The following GRB10 variants were observed in gnomAD, a reference collection of about 807,000 sequenced individuals.
GRB10 encodes the protein growth factor receptor bound protein 10.
A neutral mutation model predicts 80.9 loss-of-function variants in GRB10; 20 were observed. The observed-to-expected ratio is 0.25, with a 90% CI of 0.17 to 0.36. The LOEUF is 0.36. Among genes scored for constraint, GRB10 ranks in the 10% least tolerant of loss-of-function variants. The probability of loss-of-function intolerance (pLI) is 1.00; values close to 1 mark genes in which losing one functional copy is unlikely to be tolerated. For synonymous variants in GRB10, 291 were observed against 291.5 expected, an observed-to-expected ratio of 1.00 and a Z score of 0.02; for missense variants, 548 against 747.7, an observed-to-expected ratio of 0.73 and a Z score of 3.12.
chr7:50,627,295 G>A (rs975884776), intron 7 of GRB10, among the ~76,000 whole-genome samples: 1 of 152,250 alleles, frequency 6.6e-6, no homozygotes, highest in Non-Finnish European at 1.5e-5. Flanking sequence ...GGATTCACAG[G>A]ATTCATTTAA....
intron 4 of GRB10, among the ~76,000 whole-genome samples, chr7:50,710,386 G>A (rs1242710839): frequency 2.6e-5 from 4 of 152,134 alleles, no homozygotes; most frequent in African/African-American, 9.7e-5. Context: ...GCACAAAACA[G>A]CGAGGAAGCA....
At position 50,719,253 on chromosome 7, in the gene GRB10, A is replaced by G. The variant is rs915211507; in HGVS notation, c.51+13019T>C. On this transcript the variant is annotated intron_variant, in intron 4 of 18. Transcript: ENST00000401949. ...AAGGGGTCCAAAAGTGAAGACTGCA[A>G]GGAGGAAGGGCCAGGCCCACAGGTG... is the stretch of plus-strand genomic sequence containing the variant. 5.3e-5 allele frequency among the ~76,000 whole-genome samples: 8 copies of G among 152,240 alleles called. No homozygotes were observed. The South Asian group carries it at 1.7e-3, about 32-fold the overall frequency.
At position 50,732,297 on chromosome 7, in the gene GRB10, G is replaced by A; in HGVS notation, c.26C>T (p.Ser9Phe). The change falls in exon 4 of 19, where the codon TCC (serine) becomes TTC (phenylalanine). Residue 9 changes from serine (S) to phenylalanine (F), a missense_variant. Ser to Phe is a radical substitution (Grantham distance 155). Around this residue, in one of 4 missense-constraint regions of GRB10, gnomAD observed 245 missense variants for 229.3 expected, o/e 1.07. Coordinates refer to ENST00000401949, the MANE Select transcript of GRB10 (RefSeq NM_001350814.2). Reference protein sequence around the residue: MALAGCPDSFLHHPYYQDK... With the variant: MALAGCPDFFLHHPYYQDK... ...CTGGTAGTACGGATGGTGCAAAAAG[G>A]AATCTGGGCAGCCGGCTAAAGCCAT... 2 of 1,614,002 alleles carry A rather than the reference G, an allele frequency of 1.2e-6. No homozygotes were observed. The highest frequency in any genetic ancestry group is 1.7e-6 in the Non-Finnish European group (2 of 1,179,990).
At position 50,633,733 on chromosome 7, in the gene GRB10, A is replaced by G. The variant is rs1318277856; in HGVS notation, c.505-6755T>C. 2.2e-4 allele frequency among the ~76,000 whole-genome samples: 28 copies of G among 129,962 alleles called. No individual in the cohort carries two copies. In the Admixed American group the frequency reaches 2.2e-3, roughly 10 times the overall value. 85.3% of individuals were successfully genotyped at this position (129,962 alleles called of 152,430 possible). A position where few individuals can be genotyped will look rare whatever the true frequency, so the allele number is the denominator to read the frequency against. On this transcript the variant is annotated intron_variant, in intron 7 of 18. Transcript: ENST00000401949. ...AAAACAACAACAACAACTTTTGGAA[A>G]TGAAAAGTTCACTAAAGGAATTTCA...
intron 2 of GRB10, among the ~76,000 whole-genome samples, chr7:50,777,937 G>A (rs1321072114): frequency 2.6e-5 from 4 of 152,150 alleles, no homozygotes; most frequent in African/African-American, 7.2e-5. Context: ...GGACTGAGGG[G>A]AGGGAAAACA....
At chr7:50,748,526 G>C (rs539848885) in intron 3 of GRB10, among the ~76,000 whole-genome samples, 1 of 152,336 alleles carries the variant, frequency 6.6e-6, no homozygotes, top group South Asian at 2.1e-4. Context: ...AGAAAATCAG[G>C]GTACCAGGGA....
At chr7:50,700,840 T>C (rs1369299219) in intron 5 of GRB10, among the ~76,000 whole-genome samples, 5 of 152,232 alleles carry the variant, frequency 3.3e-5, no homozygotes. Context: ...TGAAATAGAT[T>C]GCTTAAAATT....
chr7:50,664,703 A>G (rs1419929202), intron 7 of GRB10, among the ~76,000 whole-genome samples: 1 of 152,164 alleles, frequency 6.6e-6, no homozygotes, highest in Non-Finnish European at 1.5e-5. Context: ...AGGCAGCCTC[A>G]CCACAGAGAC....
intron 3 of GRB10, among the ~76,000 whole-genome samples, chr7:50,746,301 G>T (rs2072887389): frequency 6.6e-6 from 1 of 152,144 alleles, no homozygotes; most frequent in Non-Finnish European, 1.5e-5. Flanking sequence ...AGCATTATTA[G>T]ATCAAAAATT....
intron 3 of GRB10, among the ~76,000 whole-genome samples, chr7:50,742,615 C>CAG (rs1313831160): frequency 5.9e-5 from 9 of 151,970 alleles, no homozygotes; most frequent in Non-Finnish European, 1.2e-4. Flanking sequence ...TTGCATGATT[C>CAG]TACTGCTGAC....
chr7:50,788,192 C>T (rs1255417827), intron 1 of GRB10, among the ~76,000 whole-genome samples: 1 of 152,232 alleles, frequency 6.6e-6, no homozygotes, highest in African/African-American at 2.4e-5. Flanking sequence ...GGGAACTCTT[C>T]ACTTACAAAA....
At chr7:50,651,297 C>T (rs1426471075) in intron 7 of GRB10, among the ~76,000 whole-genome samples, 1 of 152,212 alleles carries the variant, frequency 6.6e-6, no homozygotes, top group Non-Finnish European at 1.5e-5. Context: ...AGGTCTGATC[C>T]TCCCGAGGTC....
intron 1 of GRB10, among the ~76,000 whole-genome samples, chr7:50,790,162 AG>A (rs1459112067): frequency 6.6e-6 from 1 of 152,226 alleles, no homozygotes; most frequent in Non-Finnish European, 1.5e-5. Flanking sequence ...GCTCCCTAAA[AG>A]TGTGCAGCTA....
At chr7:50,628,215 C>T (rs1460845901) in intron 7 of GRB10, among the ~76,000 whole-genome samples, 1 of 152,232 alleles carries the variant, frequency 6.6e-6, no homozygotes, top group East Asian at 1.9e-4. Context: ...TGCCAACCTC[C>T]AAATAATCTT....
intron 15 of GRB10, chr7:50,604,762 CCT>C: frequency 2.9e-6 from 1 of 347,602 alleles, no homozygotes. Context: ...TTTCCCATCC[CCT>C]GAGGCTGAAG....
chr7:50,688,905 G>A (rs1314815984), intron 5 of GRB10, among the ~76,000 whole-genome samples: 1 of 152,110 alleles, frequency 6.6e-6, no homozygotes, highest in Non-Finnish European at 1.5e-5. Flanking sequence ...ACCAGAAGTA[G>A]GGGTGGAGGT....
At chr7:50,598,548 C>T (rs1228583717) in intron 17 of GRB10, among the ~76,000 whole-genome samples, 1 of 152,150 alleles carries the variant, frequency 6.6e-6, no homozygotes, top group Non-Finnish European at 1.5e-5. Flanking sequence ...AGCAAGACAC[C>T]GTGCAAAGTG....
intron 3 of GRB10, among the ~76,000 whole-genome samples, chr7:50,735,621 A>G (rs1353896136): frequency 6.6e-6 from 1 of 152,226 alleles, no homozygotes; most frequent in Non-Finnish European, 1.5e-5. Flanking sequence ...CTGCTATTCA[A>G]TGAAAAACTG....
At chr7:50,792,834 T>A (rs2078989865) in intron 1 of GRB10, 1 of 152,824 alleles carries the variant, frequency 6.5e-6, no homozygotes, top group Non-Finnish European at 1.4e-5. Context: ...AGCGCGGCCT[T>A]GACCGCAGCC....
Sources: allele counts gnomAD v4.1 joint callset (sites outside exome capture counted in the v4.1 genomes callset), GRCh38; gene constraint gnomAD v4.1.1; regional missense constraint gnomAD v4.1.1; transcripts MANE v1.5; gene names NCBI Gene and HGNC (gene_info 2026-07-23, HGNC 2026-07-21).